The following PARD3B variants were observed in gnomAD, a reference collection of about 807,000 sequenced individuals.
The protein encoded by PARD3B is par-3 family cell polarity regulator beta.
A neutral mutation model predicts 130.2 loss-of-function variants in PARD3B; 103 were observed. That is an observed-to-expected ratio of 0.79 (90% CI 0.67 to 0.93). The LOEUF (loss-of-function observed/expected upper bound fraction) is 0.93, where lower values mean the gene tolerates loss of function less well. Among genes scored for constraint, PARD3B ranks in the 40% least tolerant of loss-of-function variants. The pLI, the probability that PARD3B is intolerant of heterozygous loss-of-function variation, is 0.00. For synonymous variants in PARD3B, 583 were observed against 553.2 expected, an observed-to-expected ratio of 1.05 and a Z score of -0.76; for missense variants, 1,609 against 1,499.2, an observed-to-expected ratio of 1.07 and a Z score of -1.21.
In PARD3B at chr2:204,559,860, A is replaced by G. The variant is rs150460656; in HGVS notation, c.120+13741A>G. Among the ~76,000 whole-genome samples, 30 of 152,298 alleles carry G rather than the reference A, an allele frequency of 2.0e-4. No individual in the cohort carries two copies. The East Asian group carries it at 5.6e-3, about 28-fold the overall frequency. On this transcript the variant is annotated intron_variant, in intron 1 of 22. Transcript: ENST00000406610. ...ATACCATGGAATACTATGCAGCTGT[A>G]AAAAAGGGTGAGTTCCTATTCTTTG...
chr2:205,039,636 A>G (rs1698254592), intron 3 of PARD3B, among the ~76,000 whole-genome samples: 1 of 151,884 alleles, frequency 6.6e-6, no homozygotes, highest in Non-Finnish European at 1.5e-5. Flanking sequence ...ACACCCCACT[A>G]ATCTTTGTAT....
At chr2:204,684,235 A>G (rs1020796274) in intron 1 of PARD3B, among the ~76,000 whole-genome samples, 5 of 152,202 alleles carry the variant, frequency 3.3e-5, no homozygotes, top group African/African-American at 9.6e-5. Flanking sequence ...TTGAGAAAAA[A>G]GCAGATAACT....
chr2:204,953,087 GAC>G (rs1689927034), intron 2 of PARD3B, among the ~76,000 whole-genome samples: 1 of 127,610 alleles, frequency 7.8e-6, no homozygotes, highest in Non-Finnish European at 1.6e-5. Context: ...GAGAGAGAGA[GAC>G]AGAGTCAATG....
At chr2:205,476,325 G>A (rs968391324) in intron 20 of PARD3B, among the ~76,000 whole-genome samples, 11 of 152,104 alleles carry the variant, frequency 7.2e-5, no homozygotes, top group African/African-American at 2.7e-4. Context: ...AAATACATTA[G>A]GTAGAATGGT....
intron 22 of PARD3B, among the ~76,000 whole-genome samples, chr2:205,561,379 T>C (rs1046987828): frequency 3.9e-5 from 6 of 152,146 alleles, no homozygotes; most frequent in African/African-American, 1.2e-4. Context: ...CAATGAAAAG[T>C]TGAGAATCAG....
chr2:205,024,950 A>G (rs1380980281), intron 3 of PARD3B, among the ~76,000 whole-genome samples: 1 of 152,156 alleles, frequency 6.6e-6, no homozygotes, highest in African/African-American at 2.4e-5. Context: ...GCCTTCAAGA[A>G]ACTGGCTTTT....
rs58510782 is a variant in PARD3B at position 205,517,008 on chromosome 2, G to A, written c.3180+16977G>A. 5.9e-3 allele frequency among the ~76,000 whole-genome samples: 894 copies of A among 152,020 alleles called. 5 individuals carry two copies. The highest frequency in any genetic ancestry group is 0.02 in the African/African-American group (819 of 41,462). Reference sequence around the variant, plus strand: ...GAATTTTATCATAAACCTTTTCTGCGTCTATTGAGATAATCATGTGGTTTT... The same window carrying A: ...GAATTTTATCATAAACCTTTTCTGCATCTATTGAGATAATCATGTGGTTTT... On this transcript the variant is annotated intron_variant, in intron 21 of 22. Transcript: ENST00000406610.
At chr2:204,881,713 C>T (rs2046058579) in intron 2 of PARD3B, among the ~76,000 whole-genome samples, 1 of 151,890 alleles carries the variant, frequency 6.6e-6, no homozygotes, top group Non-Finnish European at 1.5e-5. Context: ...AACTCTGAAG[C>T]TCTATGTGTC....
intron 3 of PARD3B, among the ~76,000 whole-genome samples, chr2:205,014,393 T>A (rs1209373013): frequency 6.6e-6 from 1 of 152,194 alleles, no homozygotes; most frequent in African/African-American, 2.4e-5. Context: ...TTCTTTCTTA[T>A]CTATAGTTCC....
At chr2:205,066,741 C>CT (rs919955784) in intron 4 of PARD3B, among the ~76,000 whole-genome samples, 2 of 152,090 alleles carry the variant, frequency 1.3e-5, no homozygotes, top group Admixed American at 6.6e-5. Context: ...GTTTTTTCTG[C>CT]TTTTTTTCAT....
chr2:204,816,090 C>T (rs1437999469), intron 2 of PARD3B, among the ~76,000 whole-genome samples: 2 of 151,872 alleles, frequency 1.3e-5, no homozygotes, highest in Non-Finnish European at 2.9e-5. Flanking sequence ...AAGATTTATA[C>T]TCTCATCTGT....
chr2:204,794,677 G>T (rs2042310325), intron 2 of PARD3B, among the ~76,000 whole-genome samples: 1 of 152,142 alleles, frequency 6.6e-6, no homozygotes. Context: ...TATTACATTT[G>T]TTTTTTAACA....
At chr2:204,998,975 G>A (rs188593906) in intron 3 of PARD3B, among the ~76,000 whole-genome samples, 113 of 152,274 alleles carry the variant, frequency 7.4e-4, no homozygotes, top group African/African-American at 2.5e-3. Context: ...GATTACAGGC[G>A]TGAGGCACCA....
intron 2 of PARD3B, among the ~76,000 whole-genome samples, chr2:204,863,722 A>T (rs992856946): frequency 2.6e-5 from 4 of 152,202 alleles, no homozygotes; most frequent in African/African-American, 9.6e-5. Context: ...GCATATTGGG[A>T]TAAGCATGGA....
intron 19 of PARD3B, among the ~76,000 whole-genome samples, chr2:205,429,568 A>G (rs2047258929): frequency 6.6e-6 from 1 of 152,206 alleles, no homozygotes; most frequent in Non-Finnish European, 1.5e-5. Flanking sequence ...CCTTAGCATT[A>G]CTAAAGACAA....
chr2:204,657,480 T>C (rs962415049), intron 1 of PARD3B, among the ~76,000 whole-genome samples: 1 of 151,978 alleles, frequency 6.6e-6, no homozygotes, highest in Admixed American at 6.6e-5. Context: ...CACTCCAGCA[T>C]GGATGACAGA....
At chr2:205,608,930 G>A (rs2055121967) in intron 22 of PARD3B, among the ~76,000 whole-genome samples, 1 of 152,118 alleles carries the variant, frequency 6.6e-6, no homozygotes, top group African/African-American at 2.4e-5. Context: ...GTGTATGAGG[G>A]CCACAAGCAT....
chr2:204,706,505 G>A (rs981511727), intron 2 of PARD3B, among the ~76,000 whole-genome samples: 17 of 152,166 alleles, frequency 1.1e-4, no homozygotes. Flanking sequence ...AAAATTGGAT[G>A]GGGTGTGGTG....
intron 3 of PARD3B, among the ~76,000 whole-genome samples, chr2:205,034,254 T>C (rs537044951): frequency 2.6e-5 from 4 of 152,308 alleles, no homozygotes; most frequent in Admixed American, 2.6e-4. Flanking sequence ...CTGCTAGGGA[T>C]CCTAAGTGAT....
Sources: allele counts gnomAD v4.1 joint callset (sites outside exome capture counted in the v4.1 genomes callset), GRCh38; gene constraint gnomAD v4.1.1; transcripts MANE v1.5; gene names NCBI Gene and HGNC (gene_info 2026-07-23, HGNC 2026-07-21).